Variants in CTNNA2 observed in about 807,000 individuals in gnomAD.
The protein encoded by CTNNA2 is catenin alpha-2.
CTNNA2 carries 42 observed loss-of-function variants against 101.0 expected under a neutral mutation model. That is an observed-to-expected ratio of 0.42 (90% CI 0.32 to 0.54). The LOEUF (loss-of-function observed/expected upper bound fraction) is 0.54. Ranked by LOEUF, CTNNA2 falls within the 20% of genes least tolerant of loss-of-function variation. The pLI is 0.14. For synonymous variants in CTNNA2, 450 were observed against 456.4 expected (o/e 0.99, Z 0.18); for missense variants, 871 against 1,223.1 (o/e 0.71, Z 4.29).
chr2:79,415,302 G>A (rs1443973160), intron 4 of CTNNA2, among the ~76,000 whole-genome samples: 1 of 152,130 alleles, frequency 6.6e-6, no homozygotes, highest in African/African-American at 2.4e-5. Flanking sequence ...TTGGCCTTCT[G>A]CCATGTTTGT....
intron 4 of CTNNA2, among the ~76,000 whole-genome samples, chr2:79,479,766 T>C (rs1213144139): frequency 6.6e-6 from 1 of 151,754 alleles, no homozygotes; most frequent in East Asian, 1.9e-4. Context: ...CCACTAAAAA[T>C]GAAAAAATTA....
At chr2:80,070,109 T>C (rs1293630843) in intron 7 of CTNNA2, among the ~76,000 whole-genome samples, 1 of 152,220 alleles carries the variant, frequency 6.6e-6, no homozygotes, top group Non-Finnish European at 1.5e-5. Context: ...CCCTTCTCAG[T>C]CTATTCACTC....
At chr2:79,540,802 A>T (rs1673360763) in intron 1 of CTNNA2, among the ~76,000 whole-genome samples, 1 of 151,920 alleles carries the variant, frequency 6.6e-6, no homozygotes, top group Non-Finnish European at 1.5e-5. Context: ...ACACCATTTA[A>T]CTCTTCAGTG....
chr2:80,328,269 G>A (rs753840640), intron 7 of CTNNA2: 16 of 470,878 alleles, frequency 3.4e-5, no homozygotes, highest in Admixed American at 4.7e-5. Context: ...TTAAAGGGCC[G>A]ATAACAACTC....
intron 12 of CTNNA2, among the ~76,000 whole-genome samples, chr2:80,567,774 G>T (rs560911578): frequency 1.7e-4 from 26 of 152,208 alleles, no homozygotes; most frequent in African/African-American, 6.3e-4. Context: ...CTCAGTGACT[G>T]TCTGTGATGG....
In CTNNA2 at chr2:79,557,501, C is replaced by T. The variant is rs531847556; in HGVS notation, c.-6+44294C>T. On this transcript the variant is annotated intron_variant, in intron 1 of 18. Coordinates refer to ENST00000402739, the MANE Select transcript of CTNNA2 (RefSeq NM_001282597.3). The stretch of plus-strand genomic sequence containing the variant: ...AAAAATGACCTACACTTATAATTTG[C>T]CTACTTAGTTTTAAACTCAATGCTG... Among the ~76,000 whole-genome samples the T allele has an allele frequency of 6.3e-4, 95 of 151,904 alleles. 1 individual carries two copies. The highest frequency in any genetic ancestry group is 2.2e-3 in the African/African-American group (91 of 41,490).
chr2:80,556,037 C>T (rs1693000989), intron 12 of CTNNA2, 144 bp downstream of exon 12: 3 of 507,410 alleles, frequency 5.9e-6, no homozygotes, highest in Non-Finnish European at 9.9e-6. Flanking sequence ...CTTGAGTGTT[C>T]TCTTTGTTTT....
chr2:80,421,877 T>C (rs945545493), intron 9 of CTNNA2, among the ~76,000 whole-genome samples: 1 of 151,884 alleles, frequency 6.6e-6, no homozygotes, highest in Non-Finnish European at 1.5e-5. Flanking sequence ...GAAAAGTGTG[T>C]GGATATGGGC....
At chr2:79,892,912 G>T (rs1684409929) in intron 6 of CTNNA2, among the ~76,000 whole-genome samples, 1 of 152,106 alleles carries the variant, frequency 6.6e-6, no homozygotes, top group Non-Finnish European at 1.5e-5. Context: ...AGCTCTAATT[G>T]TTAAAAATAA....
At chr2:80,563,901 A>G (rs764492930) in intron 12 of CTNNA2, among the ~76,000 whole-genome samples, 2 of 152,096 alleles carry the variant, frequency 1.3e-5, no homozygotes, top group African/African-American at 4.8e-5. Flanking sequence ...TAGTGTTTAT[A>G]TCTGTCTTCT....
chr2:80,071,141 A>G (rs996004059), intron 7 of CTNNA2, among the ~76,000 whole-genome samples: 1 of 152,212 alleles, frequency 6.6e-6, no homozygotes, highest in Non-Finnish European at 1.5e-5. Context: ...ACTTCATTCC[A>G]AAGCCTAAGC....
chr2:79,979,890 G>A lies in CTNNA2; in HGVS notation c.1056+70093G>A, dbSNP rs372792779. On this transcript the variant is annotated intron_variant, in intron 7 of 18. Coordinates refer to ENST00000402739, the MANE Select transcript of CTNNA2 (RefSeq NM_001282597.3). Reference sequence around the variant, plus strand: ...TAAAGCAAAACCTTTTACCTTTTACGCAGTAGGAACTTAATTGTTCATGGT... The same window carrying A: ...TAAAGCAAAACCTTTTACCTTTTACACAGTAGGAACTTAATTGTTCATGGT... Among the ~76,000 whole-genome samples the A allele has an allele frequency of 1.7e-4, 26 of 152,168 alleles. No homozygotes were observed. The East Asian group carries it at 3.5e-3, about 20-fold the overall frequency.
rs1324821527 is a variant in CTNNA2 at position 80,333,551 on chromosome 2, A to T, written c.1057-59660A>T. Among the ~76,000 whole-genome samples, 3 of 152,216 alleles carry T rather than the reference A, an allele frequency of 2.0e-5. No homozygotes were observed. The East Asian group carries it at 5.8e-4, about 29-fold the overall frequency. On this transcript the variant is annotated intron_variant, in intron 7 of 18. Coordinates refer to ENST00000402739, the MANE Select transcript of CTNNA2 (RefSeq NM_001282597.3). Reference sequence around the variant, plus strand: ...ACATGAGATTCTGAATCTCCTTCAGATTCCTTTTACCTGCATAATACCATT... The same window carrying T: ...ACATGAGATTCTGAATCTCCTTCAGTTTCCTTTTACCTGCATAATACCATT...
intron 9 of CTNNA2, among the ~76,000 whole-genome samples, chr2:80,485,919 G>A (rs1014532904): frequency 6.6e-6 from 1 of 152,080 alleles, no homozygotes. Flanking sequence ...TGCAAAGCAA[G>A]TTAAGCTTTA....
rs746422927 is a variant in CTNNA2 at position 80,542,927 on chromosome 2, G to A, written c.1291-2055G>A. Among the ~76,000 whole-genome samples the A allele has an allele frequency of 2.0e-4, 30 of 151,836 alleles. 1 individual carries two copies. Among genetic ancestry groups the A allele is most frequent in the African/African-American group, 6.5e-4 (27 of 41,318 alleles). On this transcript the variant is annotated intron_variant, in intron 9 of 18. Transcript: ENST00000402739. ...ACAGGGGAAGCTGCATTCTGGACTCGTACCACAGATCAGAATGTAGGAACC... is the reference window on the plus strand; with the variant it reads ...ACAGGGGAAGCTGCATTCTGGACTCATACCACAGATCAGAATGTAGGAACC...
intron 5 of CTNNA2, among the ~76,000 whole-genome samples, chr2:79,873,041 T>TC (rs1682711416): frequency 6.6e-6 from 1 of 152,254 alleles, no homozygotes; most frequent in Non-Finnish European, 1.5e-5. Flanking sequence ...CCTGTTATTT[T>TC]CTGTTCTCTA....
At chr2:79,259,762 G>T (rs1189471932) in intron 2 of CTNNA2, among the ~76,000 whole-genome samples, 1 of 152,088 alleles carries the variant, frequency 6.6e-6, no homozygotes, top group African/African-American at 2.4e-5. Flanking sequence ...TCAGGGCTTT[G>T]GTGGTGGACT....
chr2:79,891,599 G>A (rs1684310504), intron 6 of CTNNA2, among the ~76,000 whole-genome samples: 1 of 152,114 alleles, frequency 6.6e-6, no homozygotes, highest in Admixed American at 6.5e-5. Context: ...CCAACCCCCA[G>A]AGTGTGGCAG....
intron 2 of CTNNA2, among the ~76,000 whole-genome samples, chr2:79,256,473 A>G (rs1416120685): frequency 8.9e-6 from 1 of 112,468 alleles, no homozygotes; most frequent in Non-Finnish European, 1.9e-5. Context: ...GAGTAAATCA[A>G]ATAATTAAAA....
Sources: allele counts gnomAD v4.1 joint callset (sites outside exome capture counted in the v4.1 genomes callset), GRCh38; gene constraint gnomAD v4.1.1; transcripts MANE v1.5; gene names NCBI Gene and HGNC (gene_info 2026-07-23, HGNC 2026-07-21).